SLC24A2: variants seen among roughly 807,000 people sequenced by gnomAD.
SLC24A2 encodes the protein sodium/potassium/calcium exchanger 2.
Under a neutral mutation model 62.0 loss-of-function variants are expected in SLC24A2, and 36 were observed. The observed-to-expected ratio is 0.58, with a 90% CI of 0.44 to 0.77. SLC24A2 has a LOEUF of 0.77. Among genes scored for constraint, SLC24A2 ranks in the 30% least tolerant of loss-of-function variants. The pLI, the probability that SLC24A2 is intolerant of heterozygous loss-of-function variation, is 0.00. For synonymous variants in SLC24A2, 358 were observed against 294.0 expected, an observed-to-expected ratio of 1.22 and a Z score of -2.23; for missense variants, 846 against 817.9, an observed-to-expected ratio of 1.03 and a Z score of -0.42.
chr9:19,781,143 C>G (rs966118865), intron 2 of SLC24A2, among the ~76,000 whole-genome samples: 5 of 152,160 alleles, frequency 3.3e-5, no homozygotes, highest in African/African-American at 1.2e-4. Flanking sequence ...TTACTAGAGA[C>G]TTACCTAAAA....
the SLC24A2 span, among the ~76,000 whole-genome samples, chr9:20,044,404 G>C: frequency 6.6e-6 from 1 of 152,130 alleles, no homozygotes; most frequent in Non-Finnish European, 1.5e-5. Flanking sequence ...CAGTATTTGT[G>C]AGCACAGGAT....
intron 2 of SLC24A2, among the ~76,000 whole-genome samples, chr9:19,633,207 G>A (rs942030413): frequency 3.9e-5 from 6 of 152,178 alleles, no homozygotes; most frequent in African/African-American, 1.4e-4. Flanking sequence ...CATGTTGAAA[G>A]GCATTTTGGA....
At chr9:20,213,209 C>A in the SLC24A2 span, among the ~76,000 whole-genome samples, 8 of 151,632 alleles carry the variant, frequency 5.3e-5, no homozygotes, top group Admixed American at 4.6e-4. Flanking sequence ...TAAATTCCAC[C>A]CATTTGGAAG....
the SLC24A2 span, among the ~76,000 whole-genome samples, chr9:19,869,370 C>A: frequency 6.6e-6 from 1 of 152,166 alleles, no homozygotes; most frequent in Non-Finnish European, 1.5e-5. Flanking sequence ...ACCTCTTACT[C>A]ATATTCTTGT....
At chr9:20,195,828 T>C in the SLC24A2 span, among the ~76,000 whole-genome samples, 1 of 134,152 alleles carries the variant, frequency 7.5e-6, no homozygotes, top group South Asian at 2.9e-4. Context: ...TTACCCATTA[T>C]ACAAGATTAA....
intron 2 of SLC24A2, among the ~76,000 whole-genome samples, chr9:19,653,792 T>C (rs1038412683): frequency 2.6e-5 from 4 of 152,190 alleles, no homozygotes; most frequent in African/African-American, 7.2e-5. Flanking sequence ...CAGCTGATGC[T>C]TGAAATGCTG....
the SLC24A2 span, chr9:19,927,007 G>C: frequency 7.9e-5 from 12 of 152,194 alleles, no homozygotes; most frequent in Admixed American, 7.2e-4. Context: ...TTGAGGCAGG[G>C]GCGTAACTCC....
chr9:19,996,120 G>T, the SLC24A2 span, among the ~76,000 whole-genome samples: 1 of 152,186 alleles, frequency 6.6e-6, no homozygotes, highest in African/African-American at 2.4e-5. Context: ...AGGAGCATGG[G>T]GTGTCAGATA....
At chr9:19,991,482 C>T in the SLC24A2 span, among the ~76,000 whole-genome samples, 2 of 152,192 alleles carry the variant, frequency 1.3e-5, no homozygotes, top group Non-Finnish European at 2.9e-5. Context: ...TTTGGCAACA[C>T]CTCACAGACA....
At chr9:20,200,507 C>A in the SLC24A2 span, among the ~76,000 whole-genome samples, 1 of 152,240 alleles carries the variant, frequency 6.6e-6, no homozygotes, top group Non-Finnish European at 1.5e-5. Flanking sequence ...TTGGATCACT[C>A]CAACTCCGTG....
Position 19,516,091 on chromosome 9 carries a change from G to C in SLC24A2, c.*62C>G. The C allele has an allele frequency of 6.2e-7, 1 of 1,606,080 alleles. No homozygotes were observed. Among genetic ancestry groups the C allele is most frequent in the Non-Finnish European group, 8.5e-7 (1 of 1,173,456 alleles). On this transcript the variant is annotated 3_prime_UTR_variant, in exon 11 of 11. Transcript: ENST00000341998. ...CTGCCTCTTCTCAAGAGGTCAAGGA[G>C]CCCAGAGCCCAGAGTGTGGAGGGAC...
At position 19,546,466 on chromosome 9, in the gene SLC24A2, C is replaced by T. The variant is rs1171815514; in HGVS notation, c.1479+3671G>A. Among the ~76,000 whole-genome samples the T allele has an allele frequency of 5.3e-5, 8 of 152,260 alleles. No homozygotes were observed. The East Asian group carries it at 5.8e-4, about 11-fold the overall frequency. Reference sequence around the variant, plus strand: ...TGGGCTCCACCCAGTTTGAACTTCCCGGTGGCTTTGTTTACACTGTCAGGG... The same window carrying T: ...TGGGCTCCACCCAGTTTGAACTTCCTGGTGGCTTTGTTTACACTGTCAGGG... On this transcript the variant is annotated intron_variant, in intron 8 of 10. Coordinates refer to ENST00000341998, the MANE Select transcript of SLC24A2 (RefSeq NM_020344.4).
intron 4 of SLC24A2, among the ~76,000 whole-genome samples, chr9:19,606,492 CA>C (rs1836987162): frequency 6.6e-6 from 1 of 152,222 alleles, no homozygotes; most frequent in African/African-American, 2.4e-5. Context: ...AACTGGCATT[CA>C]GGGAGTTAAC....
At chr9:20,105,333 T>C in the SLC24A2 span, among the ~76,000 whole-genome samples, 8 of 151,170 alleles carry the variant, frequency 5.3e-5, no homozygotes, top group Non-Finnish European at 7.4e-5. Context: ...GAACTCAGCT[T>C]TGCACCAAGC....
chr9:20,026,074 ATT>A, the SLC24A2 span, among the ~76,000 whole-genome samples: 1 of 152,182 alleles, frequency 6.6e-6, no homozygotes, highest in Non-Finnish European at 1.5e-5. Flanking sequence ...CATTGGTCAA[ATT>A]GCATATTTTT....
chr9:20,121,347 T>G, the SLC24A2 span, among the ~76,000 whole-genome samples: 1 of 152,038 alleles, frequency 6.6e-6, no homozygotes, highest in Non-Finnish European at 1.5e-5. Flanking sequence ...TTTTGTTAGA[T>G]TTATTTGATG....
At chr9:20,103,878 G>A in the SLC24A2 span, among the ~76,000 whole-genome samples, 19 of 152,122 alleles carry the variant, frequency 1.2e-4, no homozygotes, top group African/African-American at 3.9e-4. Flanking sequence ...AGAGAAGAAG[G>A]CTTCAGACGA....
At chr9:20,110,642 T>C in the SLC24A2 span, among the ~76,000 whole-genome samples, 3 of 152,162 alleles carry the variant, frequency 2.0e-5, no homozygotes, top group African/African-American at 7.2e-5. Context: ...TACCTATTGT[T>C]ACTAGATCTT....
chr9:20,011,835 A>G, the SLC24A2 span, among the ~76,000 whole-genome samples: 2 of 152,236 alleles, frequency 1.3e-5, no homozygotes, highest in Non-Finnish European at 2.9e-5. Flanking sequence ...CAAAAGAATC[A>G]TTTACTATGA....
Sources: allele counts gnomAD v4.1 joint callset (sites outside exome capture counted in the v4.1 genomes callset), GRCh38; gene constraint gnomAD v4.1.1; transcripts MANE v1.5; gene names NCBI Gene and HGNC (gene_info 2026-07-23, HGNC 2026-07-21).